PDE1C: variants seen among roughly 807,000 people sequenced by gnomAD.
PDE1C encodes the protein phosphodiesterase 1C, also known as dual specificity calcium/calmodulin-dependent 3',5'-cyclic nucleotide phosphodiesterase 1C.
In PDE1C, 62 loss-of-function variants were observed where a neutral mutation model predicts 93.1. That is an observed-to-expected ratio of 0.67 (90% CI 0.54 to 0.82). PDE1C has a LOEUF of 0.82. Ranked by LOEUF, PDE1C falls within the 40% of genes least tolerant of loss-of-function variation. PDE1C has a pLI of 0.00. For synonymous variants in PDE1C, 325 were observed against 310.1 expected (o/e 1.05, Z -0.50); for missense variants, 742 against 884.6 (o/e 0.84, Z 2.04).
chr7:32,359,357 G>A (rs1784089846), intron 1 of PDE1C, among the ~76,000 whole-genome samples: 1 of 152,022 alleles, frequency 6.6e-6, no homozygotes, highest in African/African-American at 2.4e-5. Flanking sequence ...TTACTGTCTG[G>A]CTCTCGTTCT....
chr7:32,029,384 A>G (rs974831226), intron 2 of PDE1C, among the ~76,000 whole-genome samples: 5 of 152,148 alleles, frequency 3.3e-5, no homozygotes, highest in African/African-American at 9.7e-5. Flanking sequence ...TCAAAGAAAT[A>G]CCTGCACTCC....
chr7:32,192,567 A>T (rs1169646468), intron 2 of PDE1C, among the ~76,000 whole-genome samples: 1 of 152,100 alleles, frequency 6.6e-6, no homozygotes. Flanking sequence ...GCTTTCACCA[A>T]TACCACTCAT....
intron 2 of PDE1C, among the ~76,000 whole-genome samples, chr7:31,965,473 T>C (rs574942028): frequency 3.3e-5 from 5 of 152,276 alleles, no homozygotes; most frequent in African/African-American, 1.2e-4. Context: ...AGACCAAATC[T>C]ACATCTGATT....
intron 2 of PDE1C, among the ~76,000 whole-genome samples, chr7:32,186,087 GTTTTTTT>G (rs10561469): frequency 4.2e-4 from 54 of 128,598 alleles, no homozygotes; most frequent in African/African-American, 7.9e-4. Context: ...TTGTTTTTTT[GTTTTTTT>G]TTTTTTTTTT....
rs74659310 is a variant in PDE1C, at chr7:31,865,535, T to G, written c.610-453A>C. Among the ~76,000 whole-genome samples, 963 of 152,294 alleles carry G rather than the reference T, an allele frequency of 6.3e-3. 13 individuals carry two copies. The highest frequency in any genetic ancestry group is 0.022 in the African/African-American group (905 of 41,562). ...CACCAAACAATGTTGTAAATAACAC[T>G]GAGGAATTCAAAAATAATACTAATA... On this transcript the variant is annotated intron_variant, in intron 6 of 17. Transcript: ENST00000396191.
intron 1 of PDE1C, among the ~76,000 whole-genome samples, chr7:32,312,884 A>G (rs375184878): frequency 1.3e-5 from 2 of 152,246 alleles, no homozygotes; most frequent in African/African-American, 4.8e-5. Flanking sequence ...CAATGGCAAC[A>G]AAAGCCAAAA....
intron 3 of PDE1C, among the ~76,000 whole-genome samples, chr7:32,092,599 C>T (rs928969232): frequency 2.6e-5 from 4 of 152,206 alleles, no homozygotes; most frequent in African/African-American, 9.7e-5. Flanking sequence ...CTGGAGGTCC[C>T]TTCCAGATCC....
intron 1 of PDE1C, among the ~76,000 whole-genome samples, chr7:32,305,430 C>A (rs1812974652): frequency 6.6e-6 from 1 of 152,134 alleles, no homozygotes; most frequent in African/African-American, 2.4e-5. Context: ...TTGCTCTTCC[C>A]AGCTCTGTTA....
chr7:31,643,887 C>G, the PDE1C span: 1 of 1,613,870 alleles, frequency 6.2e-7, no homozygotes, highest in Non-Finnish European at 8.5e-7. Flanking sequence ...TAACTGGTCA[C>G]CAGGAAGCCC....
At chr7:31,845,709 G>A (rs188430124) in intron 9 of PDE1C, among the ~76,000 whole-genome samples, 1 of 152,180 alleles carries the variant, frequency 6.6e-6, no homozygotes, top group Non-Finnish European at 1.5e-5. Flanking sequence ...AATAAAAGGT[G>A]GCCAGGCACA....
chr7:31,939,077 A>C (rs1161982410), intron 2 of PDE1C, among the ~76,000 whole-genome samples: 2 of 152,142 alleles, frequency 1.3e-5, no homozygotes, highest in Admixed American at 1.3e-4. Flanking sequence ...CGCTGGCAAA[A>C]ATTTTAATTT....
intron 2 of PDE1C, among the ~76,000 whole-genome samples, chr7:32,045,529 A>T (rs1417373472): frequency 6.6e-6 from 1 of 152,208 alleles, no homozygotes; most frequent in Non-Finnish European, 1.5e-5. Context: ...AGGCTCTGAA[A>T]ATCAATACTA....
chr7:32,213,943 T>C (rs1806237085), intron 1 of PDE1C, among the ~76,000 whole-genome samples: 1 of 152,230 alleles, frequency 6.6e-6, no homozygotes, highest in Non-Finnish European at 1.5e-5. Context: ...TGAGAAAATC[T>C]GTAACTTTTG....
intron 2 of PDE1C, among the ~76,000 whole-genome samples, chr7:32,033,499 GT>G (rs1355512818): frequency 2.0e-5 from 3 of 152,052 alleles, no homozygotes; most frequent in African/African-American, 7.2e-5. Flanking sequence ...AAAAAAACCT[GT>G]TTTCCATTAT....
At chr7:31,793,486 T>G (rs933036741) in intron 16 of PDE1C, among the ~76,000 whole-genome samples, 1 of 152,050 alleles carries the variant, frequency 6.6e-6, no homozygotes, top group African/African-American at 2.4e-5. Context: ...TTTCAGGTCC[T>G]AGGAACTCTG....
At chr7:31,949,200 T>G (rs1481340140) in intron 2 of PDE1C, among the ~76,000 whole-genome samples, 2 of 152,184 alleles carry the variant, frequency 1.3e-5, no homozygotes, top group African/African-American at 2.4e-5. Context: ...GTCTCATGCC[T>G]GTAATCCCAA....
chr7:31,658,179 T>C, the PDE1C span: 1 of 1,145,644 alleles, frequency 8.7e-7, no homozygotes, highest in Non-Finnish European at 1.2e-6. Flanking sequence ...TGTAGATTTG[T>C]GTAAGGATAT....
At chr7:32,128,530 A>G (rs1054321144) in intron 3 of PDE1C, among the ~76,000 whole-genome samples, 2 of 152,018 alleles carry the variant, frequency 1.3e-5, no homozygotes, top group Admixed American at 1.3e-4. Flanking sequence ...CAAATGGTCT[A>G]TAAGACTATA....
At chr7:32,335,891 G>A (rs540986584) in intron 1 of PDE1C, among the ~76,000 whole-genome samples, 1 of 152,110 alleles carries the variant, frequency 6.6e-6, no homozygotes, top group Non-Finnish European at 1.5e-5. Context: ...ACTACACTCA[G>A]CTAATTTTTA....
Sources: allele counts gnomAD v4.1 joint callset (sites outside exome capture counted in the v4.1 genomes callset), GRCh38; gene constraint gnomAD v4.1.1; transcripts MANE v1.5; gene names NCBI Gene and HGNC (gene_info 2026-07-23, HGNC 2026-07-21).